The following TMEFF2 variants were observed in gnomAD, a reference collection of about 807,000 sequenced individuals.
TMEFF2 encodes tomoregulin-2.
TMEFF2 carries 28 observed loss-of-function variants against 53.8 expected under a neutral mutation model. That is an observed-to-expected ratio of 0.52 (90% confidence interval 0.39 to 0.71). The LOEUF (loss-of-function observed/expected upper bound fraction) is 0.71. Among genes scored for constraint, TMEFF2 ranks in the 30% least tolerant of loss-of-function variants. The probability of loss-of-function intolerance (pLI) is 0.00; values close to 1 mark genes in which losing one functional copy is unlikely to be tolerated. For synonymous variants in TMEFF2, 162 were observed against 166.3 expected (o/e 0.97, Z 0.20); for missense variants, 353 against 455.2 (o/e 0.78, Z 2.04).
At chr2:191,994,061 G>A (rs1428720117) in intron 7 of TMEFF2, among the ~76,000 whole-genome samples, 5 of 151,920 alleles carry the variant, frequency 3.3e-5, no homozygotes, top group Middle Eastern at 3.2e-3. Context: ...CTTGCATATT[G>A]CGGTGACTGC....
intron 4 of TMEFF2, among the ~76,000 whole-genome samples, chr2:192,127,253 T>C (rs146831939): frequency 5.3e-5 from 8 of 152,190 alleles, no homozygotes; most frequent in African/African-American, 1.7e-4. Flanking sequence ...CTATTGTTCA[T>C]CAAGGTATAA....
chr2:191,964,022 C>T (rs1692343104), intron 7 of TMEFF2, among the ~76,000 whole-genome samples: 1 of 152,102 alleles, frequency 6.6e-6, no homozygotes, highest in African/African-American at 2.4e-5. Context: ...AACAGAATTG[C>T]TGTCGAAGTC....
intron 4 of TMEFF2, among the ~76,000 whole-genome samples, chr2:192,169,744 C>T (rs184180656): frequency 6.6e-6 from 1 of 152,000 alleles, no homozygotes; most frequent in Non-Finnish European, 1.5e-5. Context: ...GAACTATTCA[C>T]AATGGAAAAT....
intron 4 of TMEFF2, among the ~76,000 whole-genome samples, chr2:192,114,170 T>C (rs1689347569): frequency 6.7e-6 from 1 of 150,272 alleles, no homozygotes; most frequent in Non-Finnish European, 1.5e-5. Context: ...AAAGAAAATA[T>C]AAAATAAACA....
intron 7 of TMEFF2, among the ~76,000 whole-genome samples, chr2:191,994,087 G>A (rs1289003785): frequency 1.3e-5 from 2 of 151,984 alleles, no homozygotes; most frequent in Non-Finnish European, 2.9e-5. Context: ...TTTGTTGAAT[G>A]AATTGATTCA....
intron 7 of TMEFF2, among the ~76,000 whole-genome samples, chr2:191,986,815 G>A (rs1685987276): frequency 6.9e-6 from 1 of 144,616 alleles, no homozygotes; most frequent in Admixed American, 7.1e-5. Flanking sequence ...CTGACATGGT[G>A]TCACTGCACT....
intron 7 of TMEFF2, among the ~76,000 whole-genome samples, chr2:191,980,996 T>A (rs2105814783): frequency 6.6e-6 from 1 of 152,252 alleles, no homozygotes; most frequent in East Asian, 1.9e-4. Flanking sequence ...TCATTCTTCA[T>A]TGTTATGACC....
chr2:191,980,512 C>G (rs1685830067), intron 7 of TMEFF2, among the ~76,000 whole-genome samples: 1 of 152,108 alleles, frequency 6.6e-6, no homozygotes, highest in African/African-American at 2.4e-5. Context: ...AGGAAGAAAA[C>G]AAAGGAGAAA....
chr2:192,137,167 T>C (rs1690030707), intron 4 of TMEFF2, among the ~76,000 whole-genome samples: 1 of 152,200 alleles, frequency 6.6e-6, no homozygotes, highest in African/African-American at 2.4e-5. Context: ...CTGTGCTCCT[T>C]TGGTGCTTAC....
intron 4 of TMEFF2, among the ~76,000 whole-genome samples, chr2:192,073,306 T>C (rs1688333879): frequency 6.6e-6 from 1 of 151,960 alleles, no homozygotes. Context: ...TGAAAACTGC[T>C]ATATGTTGAC....
chr2:192,174,092 C>T (rs1389430448), intron 4 of TMEFF2, among the ~76,000 whole-genome samples: 3 of 151,724 alleles, frequency 2.0e-5, no homozygotes, highest in Admixed American at 2.0e-4. Flanking sequence ...TTCTTCAAGT[C>T]AGCTAAAAAT....
intron 4 of TMEFF2, among the ~76,000 whole-genome samples, chr2:192,103,488 C>T (rs142863370): frequency 3.3e-5 from 5 of 152,152 alleles, no homozygotes; most frequent in Admixed American, 3.3e-4. Context: ...TTCAGATGTA[C>T]AGTAATCATT....
At chr2:192,040,218 G>C (rs1687437703) in intron 5 of TMEFF2, among the ~76,000 whole-genome samples, 1 of 152,004 alleles carries the variant, frequency 6.6e-6, no homozygotes, top group Non-Finnish European at 1.5e-5. Context: ...TGAATTCAGA[G>C]CACTCAGAGA....
intron 4 of TMEFF2, among the ~76,000 whole-genome samples, chr2:192,109,620 C>T (rs1178816909): frequency 6.6e-6 from 1 of 152,048 alleles, no homozygotes; most frequent in Non-Finnish European, 1.5e-5. Flanking sequence ...GTCCACACTA[C>T]CTGATGACGC....
intron 3 of TMEFF2, among the ~76,000 whole-genome samples, chr2:192,181,656 A>G (rs1691187934): frequency 1.3e-5 from 2 of 151,782 alleles, no homozygotes; most frequent in Admixed American, 6.6e-5. Context: ...ATTAAAATGT[A>G]CAGTAAACAT....
intron 5 of TMEFF2, among the ~76,000 whole-genome samples, chr2:192,056,259 T>C (rs1225358267): frequency 1.3e-5 from 2 of 150,560 alleles, no homozygotes; most frequent in East Asian, 2.0e-4. Flanking sequence ...GTGAGGTATA[T>C]GTAAAAAAGA....
intron 7 of TMEFF2, among the ~76,000 whole-genome samples, chr2:191,984,369 A>G (rs1261433915): frequency 2.0e-5 from 3 of 152,106 alleles, no homozygotes; most frequent in East Asian, 3.9e-4. Flanking sequence ...AACCCCAGTA[A>G]CTACATTGGT....
At chr2:192,097,138 A>G (rs1688931443) in intron 4 of TMEFF2, among the ~76,000 whole-genome samples, 2 of 152,242 alleles carry the variant, frequency 1.3e-5, no homozygotes, top group African/African-American at 4.8e-5. Flanking sequence ...TTCACTTATA[A>G]GTATTTATTG....
intron 2 of TMEFF2, among the ~76,000 whole-genome samples, chr2:192,188,240 C>A (rs1691363473): frequency 6.6e-6 from 1 of 152,106 alleles, no homozygotes; most frequent in Non-Finnish European, 1.5e-5. Context: ...GTGGAAATGA[C>A]TCTGTGTGCC....
Sources: allele counts gnomAD v4.1 joint callset (sites outside exome capture counted in the v4.1 genomes callset), GRCh38; gene constraint gnomAD v4.1.1; transcripts MANE v1.5; gene names NCBI Gene and HGNC (gene_info 2026-07-23, HGNC 2026-07-21).